Variants in NLGN1 observed in about 807,000 individuals in gnomAD.
The protein encoded by NLGN1 is neuroligin 1.
NLGN1 carries 12 observed loss-of-function variants against 65.5 expected under a neutral mutation model. The ratio of observed to expected loss-of-function variants is 0.18; its 90% CI spans 0.12 to 0.30. The LOEUF is 0.30. Among genes scored for constraint, NLGN1 ranks in the 10% least tolerant of loss-of-function variants. NLGN1 has a pLI of 1.00. For synonymous variants in NLGN1, 350 were observed against 359.5 expected, an observed-to-expected ratio of 0.97 and a Z score of 0.30; for missense variants, 750 against 1,007.1, an observed-to-expected ratio of 0.74 and a Z score of 3.46.
intron 1 of NLGN1, among the ~76,000 whole-genome samples, chr3:173,405,857 C>G (rs761410989): frequency 2.0e-5 from 3 of 151,832 alleles, no homozygotes; most frequent in Non-Finnish European, 2.9e-5. Flanking sequence ...TATGTTTAGG[C>G]TAATTAAAAT....
intron 4 of NLGN1, among the ~76,000 whole-genome samples, chr3:174,196,123 G>C (rs1395290448): frequency 6.6e-6 from 1 of 152,100 alleles, no homozygotes; most frequent in Non-Finnish European, 1.5e-5. Context: ...TTTTAGAAAT[G>C]TTTTTATTAG....
chr3:174,196,312 TTC>T (rs1408645978), intron 4 of NLGN1, among the ~76,000 whole-genome samples: 4 of 152,168 alleles, frequency 2.6e-5, no homozygotes, highest in African/African-American at 4.8e-5. Flanking sequence ...TCTATTTTTT[TTC>T]TCTTTTTTTC....
chr3:173,821,939 A>G (rs2150537819), intron 4 of NLGN1, among the ~76,000 whole-genome samples: 1 of 152,312 alleles, frequency 6.6e-6, no homozygotes, highest in African/African-American at 2.4e-5. Flanking sequence ...AATCAGGTTT[A>G]GGGAAAACAG....
intron 4 of NLGN1, among the ~76,000 whole-genome samples, chr3:174,122,541 G>A (rs1023835032): frequency 6.6e-6 from 1 of 152,050 alleles, no homozygotes. Flanking sequence ...CCACCTCTCT[G>A]ATGACATTTT....
At chr3:173,860,966 A>G (rs1222931900) in intron 4 of NLGN1, among the ~76,000 whole-genome samples, 2 of 152,188 alleles carry the variant, frequency 1.3e-5, no homozygotes, top group Non-Finnish European at 2.9e-5. Flanking sequence ...AATTGCCTAT[A>G]CTAGTCAACA....
intron 4 of NLGN1, among the ~76,000 whole-genome samples, chr3:173,860,562 A>G (rs764553655): frequency 2.0e-5 from 3 of 152,186 alleles, no homozygotes; most frequent in Non-Finnish European, 4.4e-5. Context: ...TTACAGTAGG[A>G]AGAAAAATGA....
At chr3:173,986,744 T>G (rs996972433) in intron 4 of NLGN1, among the ~76,000 whole-genome samples, 7 of 152,206 alleles carry the variant, frequency 4.6e-5, no homozygotes, top group Non-Finnish European at 8.8e-5. Context: ...AGTCTCTGGG[T>G]CCTGCATAGA....
chr3:174,168,180 C>T (rs1727883711), intron 4 of NLGN1, among the ~76,000 whole-genome samples: 1 of 151,944 alleles, frequency 6.6e-6, no homozygotes, highest in South Asian at 2.1e-4. Context: ...ATTGAGCTTC[C>T]TTGCAGCCAT....
intron 3 of NLGN1, among the ~76,000 whole-genome samples, chr3:173,748,327 C>A (rs1775826157): frequency 6.6e-6 from 1 of 152,056 alleles, no homozygotes; most frequent in Admixed American, 6.6e-5. Flanking sequence ...AACATTACAT[C>A]TGAACACATA....
exon 7 of NLGN1, chr3:174,286,556 G>A (rs758007956): frequency 1.3e-4 from 19 of 151,512 alleles, no homozygotes; most frequent in Non-Finnish European, 2.1e-4. Flanking sequence ...AGACCATTGG[G>A]TTGTCATGAT....
intron 4 of NLGN1, among the ~76,000 whole-genome samples, chr3:173,857,554 T>C (rs1003696869): frequency 2.6e-5 from 4 of 152,008 alleles, no homozygotes; most frequent in Admixed American, 2.6e-4. Flanking sequence ...AATAACAATA[T>C]TGAACAAACT....
chr3:173,963,520 A>G (rs1714094214), intron 4 of NLGN1, among the ~76,000 whole-genome samples: 2 of 152,170 alleles, frequency 1.3e-5, no homozygotes, highest in South Asian at 2.1e-4. Flanking sequence ...AATTTTGGAA[A>G]TCATCAGTAT....
At chr3:173,857,293 C>T (rs2150775890) in intron 4 of NLGN1, among the ~76,000 whole-genome samples, 1 of 152,190 alleles carries the variant, frequency 6.6e-6, no homozygotes, top group South Asian at 2.1e-4. Flanking sequence ...CATGCTGGGA[C>T]TTGCACACCA....
intron 4 of NLGN1, among the ~76,000 whole-genome samples, chr3:173,814,836 G>T (rs1314678097): frequency 6.6e-6 from 1 of 150,996 alleles, no homozygotes; most frequent in East Asian, 1.9e-4. Context: ...AGTTTACATA[G>T]ATAACGATTG....
At chr3:173,815,264 C>T (rs1271284767) in intron 4 of NLGN1, among the ~76,000 whole-genome samples, 1 of 151,982 alleles carries the variant, frequency 6.6e-6, no homozygotes. Context: ...CCTGCCACCA[C>T]ACCCGGCTAA....
At chr3:173,978,560 C>A (rs1319417613) in intron 4 of NLGN1, among the ~76,000 whole-genome samples, 1 of 151,748 alleles carries the variant, frequency 6.6e-6, no homozygotes, top group Non-Finnish European at 1.5e-5. Context: ...AGGAGTGGGT[C>A]CACATGGAAT....
intron 3 of NLGN1, among the ~76,000 whole-genome samples, chr3:173,690,413 A>G (rs16829601): frequency 0.2 from 30,461 of 151,984 alleles, 3,380 homozygotes; most frequent in African/African-American, 0.29. Flanking sequence ...TATAATGACC[A>G]CATCTAGAAA....
intron 2 of NLGN1, among the ~76,000 whole-genome samples, chr3:173,465,191 T>G (rs1453813843): frequency 6.6e-6 from 1 of 152,228 alleles, no homozygotes; most frequent in Non-Finnish European, 1.5e-5. Context: ...TGCTGTGTCC[T>G]GCGACTCAGG....
At chr3:173,999,027 A>G (rs1480077138) in intron 4 of NLGN1, among the ~76,000 whole-genome samples, 1 of 152,212 alleles carries the variant, frequency 6.6e-6, no homozygotes, top group Non-Finnish European at 1.5e-5. Context: ...TACTTCTATA[A>G]GGATCAGCAA....
Sources: gnomAD v4.1 joint callset for allele counts (sites outside exome capture counted in the v4.1 genomes callset) on GRCh38, gnomAD v4.1.1 for gene constraint, MANE v1.5 for transcripts, NCBI Gene and HGNC (gene_info 2026-07-23, HGNC 2026-07-21) for gene names.